The following INF2 variants were observed in gnomAD, a reference collection of about 807,000 sequenced individuals.
The protein encoded by INF2 is inverted formin-2.
Under a neutral mutation model 123.5 loss-of-function variants are expected in INF2, and 43 were observed. That is an observed-to-expected ratio of 0.35 (90% CI 0.27 to 0.45). The LOEUF (loss-of-function observed/expected upper bound fraction) is 0.45, where lower values mean the gene tolerates loss of function less well. INF2 is among the 20% of genes least tolerant of loss of function. The probability of loss-of-function intolerance (pLI) is 1.00; values close to 1 mark genes in which losing one functional copy is unlikely to be tolerated. For missense variants in INF2, 1,453 were observed against 1,682.7 expected (o/e 0.86, Z 2.39); for synonymous variants, 851 against 745.0 (o/e 1.14, Z -2.32).
chr14:104,719,058 C>G lies in INF2; in HGVS notation c.*265C>G. 2.7e-6 allele frequency: 2 copies of G among 738,186 alleles called. No homozygotes were observed. The highest frequency in any genetic ancestry group is 3.3e-5 in the Admixed American group (1 of 30,650). 45.7% of individuals were successfully genotyped at this position (738,186 alleles called of 1,614,324 possible). A position where few individuals can be genotyped will look rare whatever the true frequency, so the allele number is the denominator to read the frequency against. On this transcript the variant is annotated 3_prime_UTR_variant, in exon 23 of 23. Coordinates refer to ENST00000392634, the MANE Select transcript of INF2 (RefSeq NM_022489.4). ...CTCCCACCTGCTTCCTAAAGGCAAC[C>G]CTGGCCCACACCCGCATGCGCCCGG...
At chr14:104,715,890 A>G (rs1010625928) in intron 22 of INF2, 4 of 456,570 alleles carry the variant, frequency 8.8e-6, no homozygotes, top group Non-Finnish European at 1.3e-5. Context: ...GGACAAGTAC[A>G]CTGCAACCCC....
At chr14:104,685,503 G>A (rs1039821655), upstream of INF2, among the ~76,000 whole-genome samples, 1 of 151,714 alleles carries the variant, frequency 6.6e-6, no homozygotes. Flanking sequence ...ACTGGGGGCG[G>A]TCGTGTCCTT....
Position 104,715,291 on chromosome 14 carries a change from C to T in INF2, c.3702C>T (p.Pro1234=), listed in dbSNP as rs769474571. ...TCTTTTATTTGGAAGCAGAGGTTCC[C>T]CCTGATTCTGATGATAATAAAACAA... The part of the protein sequence containing the change: ...KRPSRSQEEV[P]PDSDDNKTKK... Residue 1234 remains proline (P), a synonymous_variant, in exon 22 of 23, where the codon CCC becomes CCT. Transcript: ENST00000392634. 3 of 1,613,638 alleles carry T rather than the reference C, an allele frequency of 1.9e-6. No homozygotes were observed. The highest frequency in any genetic ancestry group is 2.2e-5 in the South Asian group (2 of 91,082).
At chr14:104,685,218 C>T (rs1020683209), upstream of INF2, among the ~76,000 whole-genome samples, 2 of 152,196 alleles carry the variant, frequency 1.3e-5, no homozygotes, top group African/African-American at 2.4e-5. Context: ...GCCCCACCCA[C>T]CGTCCCTTCT....
At chr14:104,701,223 C>A in intron 1 of INF2, 134 bp from the exon 2 acceptor site, 2 of 1,041,778 alleles carry the variant, frequency 1.9e-6, no homozygotes, top group African/African-American at 1.6e-5. Flanking sequence ...CTACCCCTAA[C>A]CCTCAGCATG....
At chr14:104,696,060 A>G (rs1157940617) in intron 1 of INF2, among the ~76,000 whole-genome samples, 2 of 151,792 alleles carry the variant, frequency 1.3e-5, no homozygotes, top group African/African-American at 2.4e-5. Flanking sequence ...GTGGTATCGC[A>G]CCCACCATGT....
chr14:104,687,567 CTCTCTCCAACT>C (rs1448932873), upstream of INF2, among the ~76,000 whole-genome samples: 2 of 152,162 alleles, frequency 1.3e-5, no homozygotes, highest in African/African-American at 4.8e-5. This position sits in a 1 kb window ranked among gnomAD's most constrained non-coding sequence, Gnocchi z 5.6. Context: ...CTTCTCCAAC[CTCTCTCCAACT>C]AAATCACATT....
intron 1 of INF2, among the ~76,000 whole-genome samples, chr14:104,694,641 C>T (rs751823055): frequency 2.6e-5 from 4 of 152,198 alleles, no homozygotes; most frequent in Non-Finnish European, 5.9e-5. Context: ...GGCCGGTCAG[C>T]GGAAGAGCCC....
intron 15 of INF2, 58 bp downstream of exon 15, chr14:104,711,244 T>C (rs1037185046): frequency 7.1e-6 from 10 of 1,400,642 alleles, no homozygotes; most frequent in Middle Eastern, 2.0e-4. Flanking sequence ...GGACCTGGGG[T>C]GTAGAGGCGT....
rs1371464168 is a variant in INF2 at position 104,707,635 on chromosome 14, A to G, written c.1368A>G (p.Thr456=). Residue 456 remains threonine, a synonymous_variant, in exon 8 of 23, where the codon ACA becomes ACG. Coordinates refer to ENST00000392634, the MANE Select transcript of INF2 (RefSeq NM_022489.4). ...GTGTGGGGGCTAAGGCCCTCCCAACAGCACCCCCGCCCCCACCCCTGCCAG... is the reference window on the plus strand; with the variant it reads ...GTGTGGGGGCTAAGGCCCTCCCAACGGCACCCCCGCCCCCACCCCTGCCAG... ...LPSVGAKALP[T]APPPPPLPGL... The G allele has an allele frequency of 2.7e-6, 2 of 753,030 alleles. No individual in the cohort carries two copies. Among genetic ancestry groups the G allele is most frequent in the Middle Eastern group, 4.4e-4 (1 of 2,268 alleles). 46.6% of individuals were successfully genotyped at this position (753,030 alleles called of 1,614,324 possible).
intron 1 of INF2, among the ~76,000 whole-genome samples, chr14:104,693,937 G>A (rs371014900): frequency 6.6e-6 from 1 of 152,244 alleles, no homozygotes; most frequent in African/African-American, 2.4e-5. Context: ...CAGGGTGGGG[G>A]TGAGGGAGTA....
intron 8 of INF2, 182 bp downstream of exon 8, chr14:104,708,184 G>A: frequency 9.7e-7 from 1 of 1,032,198 alleles, no homozygotes; most frequent in African/African-American, 1.6e-5. Context: ...GAGGAGCAGG[G>A]CAGGGGCTAC....
At chr14:104,702,887 C>A (rs891559303) in intron 2 of INF2, among the ~76,000 whole-genome samples, 5 of 152,236 alleles carry the variant, frequency 3.3e-5, no homozygotes, top group African/African-American at 1.2e-4. Flanking sequence ...CCAAGCCCTT[C>A]CCTGCAGGGT....
chr14:104,718,119 T>C (rs576746385), intron 22 of INF2, among the ~76,000 whole-genome samples: 1 of 152,346 alleles, frequency 6.6e-6, no homozygotes, highest in East Asian at 1.9e-4. Flanking sequence ...TGAGTGATTG[T>C]TTTGGATAGT....
chr14:104,707,621 A>C lies in INF2; in HGVS notation c.1354A>C (p.Lys452Gln). 3.9e-6 allele frequency: 3 copies of C among 777,798 alleles called. No individual in the cohort carries two copies. Among genetic ancestry groups the C allele is most frequent in the Non-Finnish European group, 5.6e-6 (3 of 540,310 alleles). 48.2% of individuals were successfully genotyped at this position (777,798 alleles called of 1,614,324 possible). Residue 452 changes from lysine (K) to glutamine (Q), a missense_variant, in exon 8 of 23, where the codon AAG becomes CAG. This residue lies in a region of INF2 where 374 missense variants were observed against 303.7 expected (regional missense o/e 1.23). Coordinates refer to ENST00000392634, the MANE Select transcript of INF2 (RefSeq NM_022489.4). ...PPPPLPSVGA[K>Q]ALPTAPPPPP... ...ACCCCCCCTGCCCAGTGTGGGGGCT[A>C]AGGCCCTCCCAACAGCACCCCCGCC...
At chr14:104,711,580 G>A in intron 15 of INF2, 49 bp from the exon 16 acceptor site, 1 of 1,530,428 alleles carries the variant, frequency 6.5e-7, no homozygotes, top group Non-Finnish European at 9.0e-7. Flanking sequence ...GTCATCCCCA[G>A]GTGGAGAGTA....
Position 104,701,315 on chromosome 14 carries a change from C to T in INF2, c.-9-42C>T, listed in dbSNP as rs1449957795. On this transcript the variant is annotated intron_variant, in intron 1 of 22. Transcript: ENST00000392634. Reference sequence around the variant, plus strand: ...GCGCTGGTGGCCAGGAGGACAGCCCCCATCCCCTCCCCGCTGACGGCTCCC... The same window carrying T: ...GCGCTGGTGGCCAGGAGGACAGCCCTCATCCCCTCCCCGCTGACGGCTCCC... 2.0e-6 allele frequency: 3 copies of T among 1,537,028 alleles called. No homozygotes were observed. In the African/African-American group the frequency reaches 4.1e-5, roughly 21 times the overall value.
chr14:104,711,215 G>T (rs1890031357), intron 15 of INF2, 29 bp downstream of exon 15: 10 of 1,527,412 alleles, frequency 6.5e-6, no homozygotes, highest in Non-Finnish European at 8.9e-6. Flanking sequence ...GGCATAATGG[G>T]AGGGCTTCAA....
intron 22 of INF2, among the ~76,000 whole-genome samples, chr14:104,717,216 C>T (rs1890335960): frequency 1.3e-5 from 2 of 151,948 alleles, no homozygotes; most frequent in Non-Finnish European, 2.9e-5. Flanking sequence ...AGCCGTCTTC[C>T]TCAGTCCCCC....
Sources: allele counts gnomAD v4.1 joint callset (sites outside exome capture counted in the v4.1 genomes callset), GRCh38; gene constraint gnomAD v4.1.1; regional missense constraint gnomAD v4.1.1; non-coding constraint Gnocchi (gnomAD v3.1); transcripts MANE v1.5; gene names NCBI Gene and HGNC (gene_info 2026-07-23, HGNC 2026-07-21).